FBP2: variants seen among roughly 807,000 people sequenced by gnomAD.
FBP2 encodes fructose-bisphosphatase 2.
Under a neutral mutation model 31.6 loss-of-function variants are expected in FBP2, and 27 were observed. The observed-to-expected ratio is 0.85, with a 90% CI of 0.63 to 1.18. FBP2 has a LOEUF of 1.18. Among genes scored for constraint, FBP2 ranks in the 50% most tolerant of loss-of-function variants. The probability of loss-of-function intolerance (pLI) is 0.00; values close to 1 mark genes in which losing one functional copy is unlikely to be tolerated. For missense variants in FBP2, 421 were observed against 436.1 expected, an observed-to-expected ratio of 0.97 and a Z score of 0.31; for synonymous variants, 168 against 179.8, an observed-to-expected ratio of 0.93 and a Z score of 0.53.
rs968439526 is a variant in FBP2, at chr9:94,590,911, A to T, written c.170+2646T>A. 1.4e-4 allele frequency among the ~76,000 whole-genome samples: 21 copies of T among 152,172 alleles called. No individual in the cohort carries two copies. In the South Asian group the frequency reaches 2.5e-3, roughly 18 times the overall value. The stretch of plus-strand genomic sequence containing the variant: ...CAGATTAGTTAGATACAGAGTTTCC[A>T]CACACAGGTTCTCCAAGGCCCCACC... On this transcript the variant is annotated intron_variant, in intron 1 of 6. Coordinates refer to ENST00000375337, the MANE Select transcript of FBP2 (RefSeq NM_003837.4).
intron 3 of FBP2, among the ~76,000 whole-genome samples, chr9:94,582,363 T>TGTGTGC (rs1827380626): frequency 6.6e-6 from 1 of 151,326 alleles, no homozygotes; most frequent in African/African-American, 2.4e-5. Context: ...TGTGTGTGTG[T>TGTGTGC]GTGTGTGTGT....
chr9:94,591,366 C>T (rs1827500689), intron 1 of FBP2, among the ~76,000 whole-genome samples: 2 of 152,236 alleles, frequency 1.3e-5, no homozygotes, highest in African/African-American at 4.8e-5. Flanking sequence ...CTCAGTACAC[C>T]CTCCGCAGCC....
At chr9:94,587,845 TTTC>T (rs1328061084) in intron 1 of FBP2, among the ~76,000 whole-genome samples, 1 of 150,974 alleles carries the variant, frequency 6.6e-6, no homozygotes, top group Non-Finnish European at 1.5e-5. Flanking sequence ...GAATTTGTTT[TTTC>T]TTTTTTCCTT....
chr9:94,588,501 T>C (rs1827454644), intron 1 of FBP2, among the ~76,000 whole-genome samples: 1 of 152,066 alleles, frequency 6.6e-6, no homozygotes, highest in Non-Finnish European at 1.5e-5. Context: ...CACACACCTG[T>C]AGTCCCAGCT....
At chr9:94,574,399 A>AT (rs1165528847) in intron 3 of FBP2, among the ~76,000 whole-genome samples, 2 of 152,008 alleles carry the variant, frequency 1.3e-5, no homozygotes, top group Non-Finnish European at 1.5e-5. Context: ...TTTAACTTCT[A>AT]TTTTTTATGA....
intron 1 of FBP2, among the ~76,000 whole-genome samples, chr9:94,587,941 TG>T (rs1827446862): frequency 2.0e-5 from 3 of 152,278 alleles, no homozygotes; most frequent in Admixed American, 2.0e-4. Flanking sequence ...CTCCGCCTCC[TG>T]GGCTCACGCC....
intron 3 of FBP2, among the ~76,000 whole-genome samples, chr9:94,582,284 TATGTC>T (rs1564185910): frequency 6.6e-6 from 1 of 152,170 alleles, no homozygotes; most frequent in Non-Finnish European, 1.5e-5. Context: ...TCAATACACA[TATGTC>T]AGGACCATCT....
intron 1 of FBP2, among the ~76,000 whole-genome samples, chr9:94,591,419 G>A (rs2131463067): frequency 6.6e-6 from 1 of 152,350 alleles, no homozygotes; most frequent in Non-Finnish European, 1.5e-5. Flanking sequence ...GGGCCAGCAG[G>A]GCTGGCTGGC....
intron 5 of FBP2, among the ~76,000 whole-genome samples, chr9:94,564,800 C>T (rs1827162403): frequency 6.6e-6 from 1 of 152,044 alleles, no homozygotes; most frequent in South Asian, 2.1e-4. Flanking sequence ...ACAACTACCC[C>T]TGAATCTAAA....
rs1245812708 is a variant in FBP2, at chr9:94,578,161, A to T, written c.426+6416T>A. Reference sequence around the variant, plus strand: ...GTCAGGGTTTGGCGCAAAGATTGTAAGATTATAACCCAGCCAAACACAGAG... The same window carrying T: ...GTCAGGGTTTGGCGCAAAGATTGTATGATTATAACCCAGCCAAACACAGAG... On this transcript the variant is annotated intron_variant, in intron 3 of 6. Coordinates refer to ENST00000375337, the MANE Select transcript of FBP2 (RefSeq NM_003837.4). Among the ~76,000 whole-genome samples the T allele has an allele frequency of 3.9e-5, 6 of 152,240 alleles. No homozygotes were observed. The East Asian group carries it at 1.2e-3, about 29-fold the overall frequency.
chr9:94,560,065 C>T (rs1029359770), intron 6 of FBP2, among the ~76,000 whole-genome samples: 1 of 152,216 alleles, frequency 6.6e-6, no homozygotes, highest in African/African-American at 2.4e-5. Context: ...TTCAAGGCTG[C>T]GGTGAGCTGT....
chr9:94,579,376 C>T (rs920731432), intron 3 of FBP2, among the ~76,000 whole-genome samples: 18 of 120,316 alleles, frequency 1.5e-4, no homozygotes, highest in South Asian at 2.6e-4. Flanking sequence ...CCAGCCTGGG[C>T]GACAGAGTGA....
Position 94,593,759 on chromosome 9 carries a change from G to A in FBP2, c.-33C>T, listed in dbSNP as rs201242837. On this transcript the variant is annotated 5_prime_UTR_variant, in exon 1 of 7. Coordinates refer to ENST00000375337, the MANE Select transcript of FBP2 (RefSeq NM_003837.4). Reference sequence around the variant, plus strand: ...GGAATGCTTCAAATCCTTTTCTCCCGGCAGGAAACCTTGCTTACTTCTGAG... The same window carrying A: ...GGAATGCTTCAAATCCTTTTCTCCCAGCAGGAAACCTTGCTTACTTCTGAG... The A allele has an allele frequency of 1.6e-3, 2,657 of 1,610,330 alleles. 48 individuals carry two copies. In the South Asian group the frequency reaches 0.027, roughly 16 times the overall value.
intron 3 of FBP2, among the ~76,000 whole-genome samples, chr9:94,582,095 A>G (rs904940508): frequency 3.9e-5 from 6 of 152,174 alleles, no homozygotes; most frequent in Non-Finnish European, 7.4e-5. Flanking sequence ...TAATTAGACA[A>G]AAGACTAAAT....
intron 3 of FBP2, among the ~76,000 whole-genome samples, chr9:94,574,280 AC>A (rs1189544387): frequency 6.6e-6 from 1 of 152,178 alleles, no homozygotes; most frequent in Admixed American, 6.5e-5. Context: ...TTATACTTTT[AC>A]CACTAATAAT....
In FBP2 at chr9:94,559,063, C is replaced by G. The variant is rs747427372; in HGVS notation, c.895G>C (p.Gly299Arg). 1.4e-5 allele frequency: 23 copies of G among 1,613,996 alleles called. No homozygotes were observed. The highest frequency in any genetic ancestry group is 1.9e-5 in the Non-Finnish European group (23 of 1,180,022). The change falls in exon 7 of 7, where the codon GGG (glycine) becomes CGG (arginine). Residue 299 changes from glycine to arginine, a missense_variant. Gly to Arg is a moderately radical substitution (Grantham distance 125, BLOSUM62 -2). Transcript: ENST00000375337. ...IEQAGGLATT[G>R]TQPVLDVKPE... is the part of the protein sequence containing the mutation. ...TTCACGTCCAGTACAGGCTGGGTCCCCGTGGTCGCCAAGCCTCCTGCCTGC... is the reference window on the plus strand; with the variant it reads ...TTCACGTCCAGTACAGGCTGGGTCCGCGTGGTCGCCAAGCCTCCTGCCTGC...
intron 1 of FBP2, among the ~76,000 whole-genome samples, chr9:94,591,185 G>A (rs895725952): frequency 3.9e-5 from 6 of 152,278 alleles, no homozygotes; most frequent in African/African-American, 1.4e-4. Flanking sequence ...TGAGCGCTGT[G>A]GAGCGGGGGG....
intron 5 of FBP2, among the ~76,000 whole-genome samples, chr9:94,565,768 GATGA>G (rs1827178364): frequency 4.6e-5 from 2 of 43,542 alleles, no homozygotes; most frequent in Non-Finnish European, 1.3e-4. Context: ...TAGATACATA[GATGA>G]TAGATAGATA....
At chr9:94,585,261 AT>A (rs200872218) in intron 2 of FBP2, among the ~76,000 whole-genome samples, 2 of 151,748 alleles carry the variant, frequency 1.3e-5, no homozygotes, top group Non-Finnish European at 2.9e-5. Context: ...TAATAATCCA[AT>A]TTTTTAAAAA....
Sources: allele counts gnomAD v4.1 joint callset (sites outside exome capture counted in the v4.1 genomes callset), GRCh38; gene constraint gnomAD v4.1.1; transcripts MANE v1.5; gene names NCBI Gene and HGNC (gene_info 2026-07-23, HGNC 2026-07-21).